Variants in CDH13 observed in about 807,000 individuals in gnomAD.
The protein encoded by CDH13 is cadherin 13.
Under a neutral mutation model 63.8 loss-of-function variants are expected in CDH13, and 24 were observed. That is an observed-to-expected ratio of 0.38 (90% confidence interval 0.27 to 0.53). CDH13 has a LOEUF of 0.53. Among genes scored for constraint, CDH13 ranks in the 20% least tolerant of loss-of-function variants. CDH13 has a pLI of 0.85. For missense variants in CDH13, 1,049 were observed against 903.1 expected (o/e 1.16, Z -2.07); for synonymous variants, 503 against 355.3 (o/e 1.42, Z -4.67).
intron 2 of CDH13, among the ~76,000 whole-genome samples, chr16:82,925,307 G>A (rs984814179): frequency 9.2e-5 from 14 of 152,204 alleles, no homozygotes; most frequent in African/African-American, 3.4e-4. Flanking sequence ...AAGGGGAGCA[G>A]TTATGACGTT....
intron 10 of CDH13, among the ~76,000 whole-genome samples, chr16:83,727,906 G>A (rs183142532): frequency 2.4e-3 from 369 of 152,286 alleles, no homozygotes; most frequent in Middle Eastern, 6.8e-3. Flanking sequence ...GCTTCTCAAA[G>A]GAGCTTTTGG....
At chr16:82,691,437 C>T (rs1380885745) in intron 1 of CDH13, among the ~76,000 whole-genome samples, 3 of 152,128 alleles carry the variant, frequency 2.0e-5, no homozygotes, top group Admixed American at 6.5e-5. Flanking sequence ...GAATGGGTGT[C>T]CCAGCCTCCC....
intron 2 of CDH13, among the ~76,000 whole-genome samples, chr16:82,962,871 C>A (rs964604822): frequency 2.6e-5 from 4 of 152,104 alleles, no homozygotes; most frequent in African/African-American, 9.7e-5. Context: ...CTAATGGTCA[C>A]TAATGACCTA....
At chr16:83,689,703 G>A (rs1283826741) in intron 10 of CDH13, among the ~76,000 whole-genome samples, 1 of 152,128 alleles carries the variant, frequency 6.6e-6, no homozygotes, top group African/African-American at 2.4e-5. Context: ...TAGAAGATCC[G>A]ACCTTATATG....
At chr16:82,765,511 G>A (rs1175150317) in intron 1 of CDH13, among the ~76,000 whole-genome samples, 2 of 152,100 alleles carry the variant, frequency 1.3e-5, no homozygotes, top group African/African-American at 4.8e-5. Flanking sequence ...CAACCACCCC[G>A]TGAGCCTTCC....
chr16:83,311,956 C>T (rs911170050), intron 5 of CDH13, among the ~76,000 whole-genome samples: 1 of 151,890 alleles, frequency 6.6e-6, no homozygotes, highest in Admixed American at 6.6e-5. Flanking sequence ...TGCCTGTAAT[C>T]CCAGCTCTCG....
chr16:83,750,506 T>C (rs1053937635), intron 11 of CDH13, among the ~76,000 whole-genome samples: 2 of 152,156 alleles, frequency 1.3e-5, no homozygotes, highest in African/African-American at 4.8e-5. Flanking sequence ...TTCCATAGCA[T>C]GTACCTTATT....
At chr16:83,146,121 G>T (rs576986670) in intron 4 of CDH13, among the ~76,000 whole-genome samples, 1 of 146,364 alleles carries the variant, frequency 6.8e-6, no homozygotes, top group South Asian at 2.2e-4. Context: ...TTGAACCTGG[G>T]AGGCAGAAGT....
At chr16:82,643,609 G>A (rs375993114) in intron 1 of CDH13, among the ~76,000 whole-genome samples, 8 of 152,174 alleles carry the variant, frequency 5.3e-5, no homozygotes, top group South Asian at 4.1e-4. Flanking sequence ...GGTTCTTCAC[G>A]TTTGTTTTGC....
chr16:83,015,063 G>A (rs1914623854), intron 2 of CDH13, among the ~76,000 whole-genome samples: 1 of 151,142 alleles, frequency 6.6e-6, no homozygotes, highest in African/African-American at 2.4e-5. Context: ...GTATTTAATA[G>A]CTATTAAGAG....
chr16:83,446,619 C>G (rs1386086430), intron 6 of CDH13, among the ~76,000 whole-genome samples: 1 of 152,166 alleles, frequency 6.6e-6, no homozygotes, highest in Admixed American at 6.5e-5. Flanking sequence ...ATTTTCTGCT[C>G]ATTTCTCCAT....
intron 1 of CDH13, among the ~76,000 whole-genome samples, chr16:82,847,085 A>T (rs1482922814): frequency 6.6e-6 from 1 of 151,864 alleles, no homozygotes; most frequent in East Asian, 1.9e-4. Context: ...ATTCCTTTCT[A>T]ACTCCTCTAT....
At chr16:82,656,651 C>G (rs1281577615) in intron 1 of CDH13, among the ~76,000 whole-genome samples, 1 of 152,092 alleles carries the variant, frequency 6.6e-6, no homozygotes, top group Non-Finnish European at 1.5e-5. Flanking sequence ...GGATACATGA[C>G]AAATGTGTAA....
intron 10 of CDH13, among the ~76,000 whole-genome samples, chr16:83,747,623 C>A (rs1263351539): frequency 6.6e-6 from 1 of 151,414 alleles, no homozygotes; most frequent in African/African-American, 2.4e-5. Flanking sequence ...ATCTATTCCT[C>A]CTGTCTTGGT....
intron 7 of CDH13, among the ~76,000 whole-genome samples, chr16:83,574,999 C>G (rs1904975601): frequency 6.6e-6 from 1 of 152,252 alleles, no homozygotes; most frequent in Non-Finnish European, 1.5e-5. Context: ...AACCCGAACG[C>G]CCATCCACTA....
At chr16:83,682,379 C>T (rs1056091262) in intron 10 of CDH13, among the ~76,000 whole-genome samples, 5 of 151,990 alleles carry the variant, frequency 3.3e-5, no homozygotes, top group Non-Finnish European at 4.4e-5. Flanking sequence ...TGTACAAGGT[C>T]GTTCATAAGT....
intron 2 of CDH13, among the ~76,000 whole-genome samples, chr16:82,897,231 G>T (rs2041301419): frequency 6.6e-6 from 1 of 152,184 alleles, no homozygotes; most frequent in South Asian, 2.1e-4. Flanking sequence ...GCATGTGGAA[G>T]CATGACCTTG....
chr16:83,094,451 A>T (rs1247508612), intron 3 of CDH13, among the ~76,000 whole-genome samples: 1 of 152,204 alleles, frequency 6.6e-6, no homozygotes, highest in Non-Finnish European at 1.5e-5. Flanking sequence ...GAGAGCTTTA[A>T]GATGAGGAGA....
chr16:83,007,211 C>A (rs1002663212), intron 2 of CDH13, among the ~76,000 whole-genome samples: 1 of 152,094 alleles, frequency 6.6e-6, no homozygotes, highest in Admixed American at 6.5e-5. Flanking sequence ...CATGAGCCAC[C>A]GCGCCCAGCA....
Sources: allele counts gnomAD v4.1 joint callset (sites outside exome capture counted in the v4.1 genomes callset), GRCh38; gene constraint gnomAD v4.1.1; transcripts MANE v1.5; gene names NCBI Gene and HGNC (gene_info 2026-07-23, HGNC 2026-07-21).